Variants in PLXNA1 observed in about 807,000 individuals in gnomAD.
PLXNA1 encodes the protein plexin-A1.
PLXNA1 carries 77 observed loss-of-function variants against 191.7 expected under a neutral mutation model. The observed-to-expected ratio is 0.40, with a 90% CI of 0.33 to 0.49. The LOEUF (loss-of-function observed/expected upper bound fraction) is 0.49. Ranked by LOEUF, PLXNA1 falls within the 20% of genes least tolerant of loss-of-function variation. PLXNA1 has a pLI of 0.63. For missense variants in PLXNA1, 2,110 were observed against 2,660.2 expected (o/e 0.79, Z 4.55); for synonymous variants, 1,137 against 1,156.4 (o/e 0.98, Z 0.34).
At chr3:127,026,012 T>G (rs1576689579) in intron 23 of PLXNA1, among the ~76,000 whole-genome samples, 1 of 152,248 alleles carries the variant, frequency 6.6e-6, no homozygotes. Flanking sequence ...CTTGTCGTAA[T>G]GTCATTTATT....
At chr3:127,022,905 GC>G in intron 23 of PLXNA1, 87 bp downstream of exon 23, 1 of 1,177,468 alleles carries the variant, frequency 8.5e-7, no homozygotes, top group East Asian at 2.4e-5. Flanking sequence ...AGTGGGAGGT[GC>G]TGGAGAATGA....
intron 1 of PLXNA1, among the ~76,000 whole-genome samples, chr3:126,987,488 G>T (rs907244746): frequency 1.3e-5 from 2 of 152,158 alleles, no homozygotes; most frequent in African/African-American, 2.4e-5. Context: ...GTGGAGTTTG[G>T]GGTGGAGTCA....
At chr3:126,997,839 C>T (rs941788808) in intron 3 of PLXNA1, among the ~76,000 whole-genome samples, 31 of 152,262 alleles carry the variant, frequency 2.0e-4, no homozygotes, top group African/African-American at 7.5e-4. Context: ...AGGCCTAAGC[C>T]AGGGCACGGG....
At chr3:126,984,670 T>C (rs2078948780) in intron 1 of PLXNA1, among the ~76,000 whole-genome samples, 2 of 152,004 alleles carry the variant, frequency 1.3e-5, no homozygotes, top group Admixed American at 1.3e-4. Flanking sequence ...GAGGACAGCA[T>C]GGGCGGAGGC....
chr3:126,990,359 C>T (rs6764158), intron 2 of PLXNA1, among the ~76,000 whole-genome samples: 59,513 of 152,190 alleles, frequency 0.39, 12,653 homozygotes, highest in African/African-American at 0.57. Context: ...CCACAGTTAA[C>T]AACTTGCAGA....
intron 1 of PLXNA1, among the ~76,000 whole-genome samples, chr3:126,983,826 C>A (rs906428509): frequency 2.0e-5 from 3 of 151,966 alleles, no homozygotes; most frequent in Non-Finnish European, 4.4e-5. Flanking sequence ...ATCGGAGCCT[C>A]CCAGCAGGGC....
At position 126,986,128 on chromosome 3, in the gene PLXNA1, G is replaced by A. The variant is rs151312104; in HGVS notation, c.-73-2393G>A. Among the ~76,000 whole-genome samples, 66 of 152,376 alleles carry A rather than the reference G, an allele frequency of 4.3e-4. No homozygotes were observed. In the East Asian group the frequency reaches 0.012, roughly 28 times the overall value. ...AGACGTGTATAATTATCCCAGAGGA[G>A]GGGAGAGCCCAGCCCCTGGTAATTG... is the stretch of plus-strand genomic sequence containing the variant. On this transcript the variant is annotated intron_variant, in intron 1 of 31. Coordinates refer to ENST00000393409, the MANE Select transcript of PLXNA1 (RefSeq NM_032242.4).
At chr3:127,008,039 T>C in intron 9 of PLXNA1, 126 bp downstream of exon 9, 1 of 624,034 alleles carries the variant, frequency 1.6e-6, no homozygotes, top group South Asian at 2.1e-5. Context: ...GATGTCACCG[T>C]GTGGTGCATG....
intron 21 of PLXNA1, 46 bp from the exon 22 acceptor site, chr3:127,022,039 G>A (rs766373883): frequency 5.0e-6 from 8 of 1,585,106 alleles, no homozygotes; most frequent in Non-Finnish European, 4.3e-6. Context: ...CTTGGGGGCT[G>A]GGGCTGGGTG....
chr3:127,003,392 C>G lies in PLXNA1; in HGVS notation c.1440C>G (p.Ala480=). 1 of 1,611,428 alleles carries G rather than the reference C, an allele frequency of 6.2e-7. No individual in the cohort carries two copies. The highest frequency in any genetic ancestry group is 1.1e-5 in the South Asian group (1 of 90,958). Residue 480 remains alanine (A), a synonymous_variant, in exon 4 of 32, where the codon GCC becomes GCG. Transcript: ENST00000393409. ...CCCTGGCCTACGAGAGCGTCGTGGC[C>G]CAGGAGGGCAGCCCCATCCTGCGAG... ...RPALAYESVV[A]QEGSPILRDL...
At chr3:127,016,839 G>T in intron 16 of PLXNA1, 105 bp from the exon 17 acceptor site, 1 of 1,391,074 alleles carries the variant, frequency 7.2e-7, no homozygotes, top group Non-Finnish European at 1.0e-6. Flanking sequence ...CCTGTTTCCT[G>T]TCTTTGGGGA....
chr3:127,029,018 C>A lies in PLXNA1; in HGVS notation c.4695C>A (p.Arg1565=). The change falls in exon 26 of 32, where the codon CGC becomes CGA. Residue 1565 remains arginine, a synonymous_variant. Transcript: ENST00000393409. ...DLEWRQGRMA[R]IILQDEDVTT... The stretch of plus-strand genomic sequence containing the variant: ...AGTGGCGCCAGGGCCGCATGGCGCG[C>A]ATCATCCTGCAGGACGAGGACGTCA... 1 of 1,613,404 alleles carries A rather than the reference C, an allele frequency of 6.2e-7. No individual in the cohort carries two copies. The highest frequency in any genetic ancestry group is 8.5e-7 in the Non-Finnish European group (1 of 1,179,908).
Position 127,028,257 on chromosome 3 carries a change from C to A in PLXNA1, c.4586C>A (p.Thr1529Asn). Residue 1529 changes from threonine (T) to asparagine (N), a missense_variant, in exon 25 of 32, where the codon ACC becomes AAC. Coordinates refer to ENST00000393409, the MANE Select transcript of PLXNA1 (RefSeq NM_032242.4). Reference protein sequence around the residue: ...PVKGLDCDTVTQAKEKLLDAA... With the variant: ...PVKGLDCDTVNQAKEKLLDAA... The stretch of plus-strand genomic sequence containing the variant: ...AAGGGGCTGGACTGTGACACGGTCA[C>A]CCAGGCCAAGGAGAAGCTGCTGGAC... The A allele has an allele frequency of 6.2e-7, 1 of 1,612,984 alleles. No individual in the cohort carries two copies. The highest frequency in any genetic ancestry group is 8.5e-7 in the Non-Finnish European group (1 of 1,179,996).
chr3:126,989,723 A>C lies in PLXNA1; in HGVS notation c.1130A>C (p.Tyr377Ser). The change falls in exon 2 of 32, where the codon TAC becomes TCC. Residue 377 changes from tyrosine (Y) to serine (S), a missense_variant. Physicochemically the swap from Tyr to Ser is moderately radical, Grantham distance 144. This residue lies in a region of PLXNA1 where 903 missense variants were observed against 1,015.7 expected (regional missense o/e 0.89). Coordinates refer to ENST00000393409, the MANE Select transcript of PLXNA1 (RefSeq NM_032242.4). ...EKIKERIQSC[Y>S]RGEGKLSLPW... ...ATTAAGGAGCGCATCCAGTCCTGCT[A>C]CCGTGGTGAGGGCAAGCTCTCCCTG... is the stretch of plus-strand genomic sequence containing the variant. 1 of 1,613,076 alleles carries C rather than the reference A, an allele frequency of 6.2e-7. No individual in the cohort carries two copies. The highest frequency in any genetic ancestry group is 1.3e-5 in the African/African-American group (1 of 75,062).
intron 4 of PLXNA1, 49 bp from the exon 5 acceptor site, chr3:127,004,562 A>C: frequency 7.3e-7 from 1 of 1,362,062 alleles, no homozygotes; most frequent in Non-Finnish European, 1.0e-6. Flanking sequence ...AGGATGGTCA[A>C]GGACCCCTGG....
At position 127,017,761 on chromosome 3, in the gene PLXNA1, T is replaced by C. The variant is rs2107633499; in HGVS notation, c.3529T>C (p.Leu1177=). 2 of 1,613,206 alleles carry C rather than the reference T, an allele frequency of 1.2e-6. No homozygotes were observed. Among genetic ancestry groups the C allele is most frequent in the East Asian group, 4.5e-5 (2 of 44,854 alleles). ...SPLILKGRNL[L]PPAPGNSRLN... ...CCATCTCCTACAGGGCCGGAACCTCTTGCCACCTGCACCCGGCAACTCCCG... is the reference window on the plus strand; with the variant it reads ...CCATCTCCTACAGGGCCGGAACCTCCTGCCACCTGCACCCGGCAACTCCCG... Residue 1177 remains leucine, a synonymous_variant, in exon 19 of 32, where the codon TTG becomes CTG. Transcript: ENST00000393409.
rs2079124059 is a variant in PLXNA1 at position 127,016,499 on chromosome 3, C to T, written c.3015-18C>T. ...TTCCACCCGTGTGCTCCTCACTGTC[C>T]CACTCGGGCACCTCCAGGAGGAACT... On this transcript the variant is annotated intron_variant, in intron 15 of 31. Coordinates refer to ENST00000393409, the MANE Select transcript of PLXNA1 (RefSeq NM_032242.4). 1.2e-6 allele frequency: 2 copies of T among 1,612,582 alleles called. No individual in the cohort carries two copies. Among genetic ancestry groups the T allele is most frequent in the Non-Finnish European group, 1.7e-6 (2 of 1,179,410 alleles).
intron 4 of PLXNA1, among the ~76,000 whole-genome samples, chr3:127,004,224 C>G (rs1041962696): frequency 1.3e-5 from 2 of 152,230 alleles, no homozygotes; most frequent in Admixed American, 1.3e-4. Context: ...TGGGGCCCAG[C>G]CTGCCCCTCT....
At chr3:126,992,720 G>C (rs1256941114) in intron 3 of PLXNA1, among the ~76,000 whole-genome samples, 1 of 152,064 alleles carries the variant, frequency 6.6e-6, no homozygotes, top group Non-Finnish European at 1.5e-5. Flanking sequence ...GGGTCCTGCT[G>C]GTTCTGCTCA....
Sources: allele counts gnomAD v4.1 joint callset (sites outside exome capture counted in the v4.1 genomes callset), GRCh38; gene constraint gnomAD v4.1.1; regional missense constraint gnomAD v4.1.1; transcripts MANE v1.5; gene names NCBI Gene and HGNC (gene_info 2026-07-23, HGNC 2026-07-21).